Variants in MRE11 observed in about 807,000 individuals in gnomAD.
The protein encoded by MRE11 is double-strand break repair protein MRE11.
In MRE11, 62 loss-of-function variants were observed where a neutral mutation model predicts 91.7. That is an observed-to-expected ratio of 0.68 (90% confidence interval 0.55 to 0.84). The LOEUF (loss-of-function observed/expected upper bound fraction) is 0.84. Among genes scored for constraint, MRE11 ranks in the 40% least tolerant of loss-of-function variants. The pLI, the probability that MRE11 is intolerant of heterozygous loss-of-function variation, is 0.00. For synonymous variants in MRE11, 273 were observed against 271.4 expected (o/e 1.01, Z -0.06); for missense variants, 796 against 852.9 (o/e 0.93, Z 0.83).
Position 94,419,739 on chromosome 11 carries a change from T to C in MRE11, c.*386A>G, listed in dbSNP as rs1470015332. Reference sequence around the variant, plus strand: ...GAATTTAGACATAGGTTCGCATAAATTGTTTTACTTTCAGAAAACCCAGAA... The same window carrying C: ...GAATTTAGACATAGGTTCGCATAAACTGTTTTACTTTCAGAAAACCCAGAA... On this transcript the variant is annotated 3_prime_UTR_variant, in exon 20 of 20. Transcript: ENST00000323929. 1 of 245,378 alleles carries C rather than the reference T, an allele frequency of 4.1e-6. No homozygotes were observed. The highest frequency in any genetic ancestry group is 8.0e-6 in the Non-Finnish European group (1 of 125,594). 15.2% of individuals were successfully genotyped at this position (245,378 alleles called of 1,614,324 possible). A position where few individuals can be genotyped will look rare whatever the true frequency, so the allele number is the denominator to read the frequency against.
the MRE11 span, among the ~76,000 whole-genome samples, chr11:94,503,650 C>T: frequency 8.6e-5 from 13 of 151,064 alleles, no homozygotes; most frequent in Admixed American, 5.3e-4. Flanking sequence ...GAGCCAAGAT[C>T]GCGCCACTGC....
At position 94,468,284 on chromosome 11, in the gene MRE11, T is replaced by C. The variant is rs183072699; in HGVS notation, c.1018-391A>G. 4.9e-4 allele frequency among the ~76,000 whole-genome samples: 74 copies of C among 152,318 alleles called. 1 individual carries two copies. Among genetic ancestry groups the C allele is most frequent in the Non-Finnish European group, 6.6e-4 (45 of 68,026 alleles). ...ATAAGCAAGGACTTTAGATTATTTA[T>C]CTTGGAAGAGTTCAAGGTAAAAGAA... On this transcript the variant is annotated intron_variant, in intron 9 of 19. Transcript: ENST00000323929.
At chr11:94,480,629 T>C (rs1946988223) in intron 4 of MRE11, among the ~76,000 whole-genome samples, 1 of 152,244 alleles carries the variant, frequency 6.6e-6, no homozygotes, top group Non-Finnish European at 1.5e-5. Context: ...AAAGAGTACA[T>C]GTATTTGTAA....
upstream of MRE11, chr11:94,498,724 T>G (rs2135163651): frequency 1.7e-6 from 1 of 593,238 alleles, no homozygotes; most frequent in South Asian, 2.2e-5. Context: ...TATCTTTAAT[T>G]ATTTCTGTGG....
At chr11:94,447,553 A>G in intron 14 of MRE11, 115 bp from the exon 15 acceptor site, 1 of 1,061,614 alleles carries the variant, frequency 9.4e-7, no homozygotes, top group Non-Finnish European at 1.4e-6. Context: ...AAGGAGGCTG[A>G]CACAGTGGCT....
the MRE11 span, among the ~76,000 whole-genome samples, chr11:94,507,507 G>A: frequency 6.6e-6 from 1 of 152,106 alleles, no homozygotes; most frequent in South Asian, 2.1e-4. Flanking sequence ...TGAGCCACAG[G>A]ATATACTTAT....
the MRE11 span, chr11:94,499,579 C>T: frequency 6.6e-6 from 1 of 152,096 alleles, no homozygotes; most frequent in Admixed American, 6.5e-5. Flanking sequence ...TTGAACAACA[C>T]AAAAGGCATG....
At chr11:94,504,044 A>G in the MRE11 span, among the ~76,000 whole-genome samples, 1 of 152,322 alleles carries the variant, frequency 6.6e-6, no homozygotes, top group East Asian at 1.9e-4. Flanking sequence ...TGGAAAAAAC[A>G]TGAACTCATT....
Position 94,435,916 on chromosome 11 carries a change from G to A in MRE11, c.1927-17C>T, listed in dbSNP as rs759103426. ...CTCAATCACCTGGCAAGGAAACAAAGCAACAAACAGTTTTTGTGAGAATAG... is the reference window on the plus strand; with the variant it reads ...CTCAATCACCTGGCAAGGAAACAAAACAACAAACAGTTTTTGTGAGAATAG... On this transcript the variant is annotated splice_polypyrimidine_tract_variant and intron_variant, in intron 17 of 19. Coordinates refer to ENST00000323929, the MANE Select transcript of MRE11 (RefSeq NM_005591.4). 2 of 1,608,754 alleles carry A rather than the reference G, an allele frequency of 1.2e-6. No homozygotes were observed. The highest frequency in any genetic ancestry group is 1.7e-6 in the Non-Finnish European group (2 of 1,175,576).
At chr11:94,480,311 C>A (rs889966877) in intron 4 of MRE11, among the ~76,000 whole-genome samples, 1 of 152,210 alleles carries the variant, frequency 6.6e-6, no homozygotes, top group South Asian at 2.1e-4. Context: ...TTTCTCCTTA[C>A]ATAAATGATA....
chr11:94,441,864 C>A (rs1325039089), intron 16 of MRE11, among the ~76,000 whole-genome samples: 2 of 150,848 alleles, frequency 1.3e-5, no homozygotes, highest in African/African-American at 2.4e-5. Context: ...GTAATCCCAG[C>A]GACTCGGGAG....
intron 3 of MRE11, among the ~76,000 whole-genome samples, chr11:94,488,971 T>C (rs1338700046): frequency 6.6e-6 from 1 of 151,890 alleles, no homozygotes; most frequent in African/African-American, 2.4e-5. Context: ...ATTGCCTCAC[T>C]TAATTAAGAA....
At chr11:94,500,204 T>C in the MRE11 span, among the ~76,000 whole-genome samples, 14 of 152,208 alleles carry the variant, frequency 9.2e-5, no homozygotes, top group Admixed American at 9.2e-4. Context: ...CCTTTCTCAC[T>C]TGAGAATGGA....
At chr11:94,457,512 A>C (rs1367565010) in intron 13 of MRE11, among the ~76,000 whole-genome samples, 1 of 151,672 alleles carries the variant, frequency 6.6e-6, no homozygotes, top group Non-Finnish European at 1.5e-5. Flanking sequence ...AAATACAAGA[A>C]TAACAATATT....
chr11:94,486,149 A>G, intron 3 of MRE11, 65 bp from the exon 4 acceptor site: 1 of 1,484,848 alleles, frequency 6.7e-7, no homozygotes, highest in Non-Finnish European at 9.2e-7. Flanking sequence ...TAAACTACAG[A>G]TGAAAGAGAT....
At chr11:94,443,250 T>C (rs1163402192) in intron 16 of MRE11, among the ~76,000 whole-genome samples, 1 of 152,218 alleles carries the variant, frequency 6.6e-6, no homozygotes, top group Non-Finnish European at 1.5e-5. Flanking sequence ...TCTCTAATCT[T>C]ACCTTGCTCT....
Position 94,459,424 on chromosome 11 carries a change from T to C in MRE11, c.1484A>G (p.Asp495Gly), listed in dbSNP as rs760292419. ...LKERHIDALEDKIDEEVRRFR... is the reference protein window; with the variant it reads ...LKERHIDALEGKIDEEVRRFR... ...GTTACTTACCTCCTCATCGATTTTG[T>C]CTTCGAGGGCATCAATATGACGTTC... The change falls in exon 13 of 20, where the codon GAC becomes GGC. Residue 495 changes from aspartate to glycine, a missense_variant. Transcript: ENST00000323929. 6.2e-7 allele frequency: 1 copy of C among 1,613,998 alleles called. No individual in the cohort carries two copies. Among genetic ancestry groups the C allele is most frequent in the Non-Finnish European group, 8.5e-7 (1 of 1,179,912 alleles).
intron 6 of MRE11, among the ~76,000 whole-genome samples, chr11:94,477,944 G>T (rs142214714): frequency 1.4e-3 from 213 of 152,272 alleles, no homozygotes; most frequent in African/African-American, 4.9e-3. Flanking sequence ...TTCACTGAAG[G>T]TTAGAAAGTG....
intron 7 of MRE11, chr11:94,472,783 C>T (rs1308807741): frequency 6.6e-6 from 1 of 152,008 alleles, no homozygotes. Flanking sequence ...TGGGTTCCAT[C>T]CCCAACATAT....
Sources: allele counts gnomAD v4.1 joint callset (sites outside exome capture counted in the v4.1 genomes callset), GRCh38; gene constraint gnomAD v4.1.1; transcripts MANE v1.5; gene names NCBI Gene and HGNC (gene_info 2026-07-23, HGNC 2026-07-21).